GYG2: variants seen among roughly 807,000 people sequenced by gnomAD.
The protein encoded by GYG2 is glycogenin 2.
A neutral mutation model predicts 29.4 loss-of-function variants in GYG2; 29 were observed. The observed-to-expected ratio is 0.99, with a 90% confidence interval of 0.74 to 1.35. GYG2 has a LOEUF of 1.35. Ranked by LOEUF, GYG2 falls within the 40% of genes most tolerant of loss-of-function variation. The pLI is 0.00. For missense variants in GYG2, 370 were observed against 385.7 expected (o/e 0.96, Z 0.34); for synonymous variants, 167 against 172.3 (o/e 0.97, Z 0.24).
At chrX:2,869,338 G>A (rs183064970) in intron 8 of GYG2, among the ~76,000 whole-genome samples, 4 of 111,252 alleles carry the variant, frequency 3.6e-5, no homozygotes, top group East Asian at 2.8e-4. Flanking sequence ...TTGAGCATCC[G>A]TGGATTTTGG....
intron 8 of GYG2, among the ~76,000 whole-genome samples, chrX:2,874,832 C>T (rs986957780): frequency 8.9e-6 from 1 of 112,033 alleles, no homozygotes; most frequent in Non-Finnish European, 1.9e-5. Flanking sequence ...GCCTGCGGGT[C>T]TGCATTTGAA....
chrX:2,870,788 C>G (rs1199494734), intron 8 of GYG2, among the ~76,000 whole-genome samples: 1 of 111,839 alleles, frequency 8.9e-6, no homozygotes, highest in African/African-American at 3.2e-5. Flanking sequence ...AAGTATTTCT[C>G]ACATTTAATT....
intron 2 of GYG2, among the ~76,000 whole-genome samples, chrX:2,835,380 G>A (rs2087352129): frequency 8.9e-6 from 1 of 111,779 alleles, no homozygotes; most frequent in Admixed American, 9.5e-5. Flanking sequence ...CCTCATTATG[G>A]CCTGAACTCG....
At chrX:2,873,682 T>C (rs1232008282) in intron 8 of GYG2, among the ~76,000 whole-genome samples, 1 of 111,642 alleles carries the variant, frequency 9.0e-6, no homozygotes, top group African/African-American at 3.3e-5. Flanking sequence ...CTTATTTATC[T>C]TGTGTAACTA....
chrX:2,855,250 C>T (rs987547484), intron 5 of GYG2, 95 bp downstream of exon 5: 2 of 751,347 alleles, frequency 2.7e-6, no homozygotes, highest in Non-Finnish European at 4.0e-6. Context: ...TACAGTCACA[C>T]CTCGCTCAGC....
Position 2,851,967 on chromosome X carries a change from A to G in GYG2, c.150-2013A>G, listed in dbSNP as rs1278930035. ...TCACATATTTGTTTATTCAATAGTT[A>G]TATTAGGTCAGGCGTGGTGGCTCAT... On this transcript the variant is annotated intron_variant, in intron 3 of 10. Coordinates refer to ENST00000398806, the MANE Select transcript of GYG2 (RefSeq NM_001079855.2). Among the ~76,000 whole-genome samples the G allele has an allele frequency of 2.7e-5, 3 of 112,221 alleles. No individual in the cohort carries two copies. The Admixed American group carries it at 2.9e-4, about 11-fold the overall frequency.
At chrX:2,872,326 T>G (rs6642059) in intron 8 of GYG2, among the ~76,000 whole-genome samples, 2 of 112,191 alleles carry the variant, frequency 1.8e-5, no homozygotes, top group African/African-American at 3.2e-5. Context: ...GATTGCTGCA[T>G]TCTCATCTTA....
intron 10 of GYG2, among the ~76,000 whole-genome samples, chrX:2,880,160 C>T (rs1376611004): frequency 1.1e-5 from 1 of 87,568 alleles, no homozygotes; most frequent in Non-Finnish European, 2.2e-5. Context: ...GAATGCCAAA[C>T]AAAATGTGTG....
chrX:2,864,760 C>CT (rs1467765487), intron 8 of GYG2, among the ~76,000 whole-genome samples: 1 of 107,200 alleles, frequency 9.3e-6, no homozygotes, highest in African/African-American at 3.5e-5. Flanking sequence ...TCTTCTTTTT[C>CT]TTTCTTTTTT....
chrX:2,839,605 C>T (rs2087450959), intron 2 of GYG2, among the ~76,000 whole-genome samples: 1 of 110,424 alleles, frequency 9.1e-6, no homozygotes, highest in Non-Finnish European at 1.9e-5. Flanking sequence ...TGGTGGTTGT[C>T]ACAAGCTAGG....
At chrX:2,876,032 C>CTTTTTTTTTTT (rs1569075859) in intron 9 of GYG2, 118 bp downstream of exon 9, 2 of 241,054 alleles carry the variant, frequency 8.3e-6, no homozygotes, top group African/African-American at 9.7e-5. Context: ...AAAATTCCTC[C>CTTTTTTTTTTT]CTTTTTTTTT....
At chrX:2,847,533 C>CAAAAAAAAAAA (rs34368863) in intron 3 of GYG2, among the ~76,000 whole-genome samples, 1 of 56,257 alleles carries the variant, frequency 1.8e-5, no homozygotes, top group Non-Finnish European at 3.2e-5. Context: ...ACTAAAAGTA[C>CAAAAAAAAAAA]AAAAAAAAAA....
At chrX:2,863,910 G>A (rs765872558) in intron 8 of GYG2, among the ~76,000 whole-genome samples, 8 of 111,419 alleles carry the variant, frequency 7.2e-5, no homozygotes, top group African/African-American at 2.3e-4. Flanking sequence ...AGCCATGCTC[G>A]TTTCAGGATG....
At chrX:2,830,307 C>T in intron 2 of GYG2, 112 bp downstream of exon 2, 2 of 690,992 alleles carry the variant, frequency 2.9e-6, no homozygotes, top group African/African-American at 4.2e-5. Context: ...CCCCAAACCC[C>T]GAGTCTCCCC....
chrX:2,830,093 C>T lies in GYG2; in HGVS notation c.-96C>T. 2.3e-6 allele frequency: 2 copies of T among 853,882 alleles called. No individual in the cohort carries two copies. Among genetic ancestry groups the T allele is most frequent in the Non-Finnish European group, 3.4e-6 (2 of 580,826 alleles). The allele number at this position is 853,882 out of a possible 1,213,427, so 70.4% of individuals were successfully genotyped here. A position where few individuals can be genotyped will look rare whatever the true frequency, so the allele number is the denominator to read the frequency against. ...AATCCACGCGGATTCCCGGAGACGG[C>T]GCCTCTGCTCTGCGGGTTCGTGGCG... On this transcript the variant is annotated 5_prime_UTR_variant, in exon 2 of 11. Transcript: ENST00000398806.
chrX:2,849,896 C>T (rs1201623340), intron 3 of GYG2, among the ~76,000 whole-genome samples: 6 of 111,145 alleles, frequency 5.4e-5, no homozygotes, highest in Non-Finnish European at 1.9e-5. Context: ...GGGAGGATCG[C>T]TTGAGTTCAG....
chrX:2,882,793 C>T lies in GYG2; in HGVS notation c.*1580C>T, dbSNP rs1170007583. On this transcript the variant is annotated 3_prime_UTR_variant, in exon 11 of 11. Coordinates refer to ENST00000398806, the MANE Select transcript of GYG2 (RefSeq NM_001079855.2). ...CATCTCATTTGGACAAATGCTGGCA[C>T]GTTGAAATTAAAATGTTAAAAAACA... The T allele has an allele frequency of 1.8e-5, 2 of 110,505 alleles. No individual in the cohort carries two copies. The highest frequency in any genetic ancestry group is 3.8e-5 in the Non-Finnish European group (2 of 52,865). 9.1% of individuals were successfully genotyped at this position (110,505 alleles called of 1,213,427 possible).
At position 2,845,053 on chromosome X, in the gene GYG2, A is replaced by T. The variant is rs377047797; in HGVS notation, c.149+1699A>T. 1.8e-4 allele frequency among the ~76,000 whole-genome samples: 11 copies of T among 62,274 alleles called. 1 individual carries two copies. Among genetic ancestry groups the T allele is most frequent in the Admixed American group, 6.4e-4 (4 of 6,286 alleles). 54.1% of individuals were successfully genotyped at this position (62,274 alleles called of 115,157 possible). On this transcript the variant is annotated intron_variant, in intron 3 of 10. Coordinates refer to ENST00000398806, the MANE Select transcript of GYG2 (RefSeq NM_001079855.2). ...TTTATATACACATGTGTATGTATATATACACGTGTGTATGTATATTTATAT... is the reference window on the plus strand; with the variant it reads ...TTTATATACACATGTGTATGTATATTTACACGTGTGTATGTATATTTATAT...
At chrX:2,870,586 A>G (rs897599152) in intron 8 of GYG2, among the ~76,000 whole-genome samples, 1 of 111,539 alleles carries the variant, frequency 9.0e-6, no homozygotes, top group Non-Finnish European at 1.9e-5. Flanking sequence ...CTTTCTCCCC[A>G]TACTTCAGTC....
Sources: gnomAD v4.1 joint callset for allele counts (sites outside exome capture counted in the v4.1 genomes callset) on GRCh38, gnomAD v4.1.1 for gene constraint, MANE v1.5 for transcripts, NCBI Gene and HGNC (gene_info 2026-07-23, HGNC 2026-07-21) for gene names.